Variants in PTBP1 observed in about 807,000 individuals in gnomAD.
PTBP1 encodes the protein polypyrimidine tract binding protein 1.
In PTBP1, 8 loss-of-function variants were observed where a neutral mutation model predicts 59.8. The observed-to-expected ratio is 0.13, with a 90% CI of 0.08 to 0.24. The LOEUF is 0.24. Among genes scored for constraint, PTBP1 ranks in the 10% least tolerant of loss-of-function variants. PTBP1 has a pLI of 1.00. For synonymous variants in PTBP1, 490 were observed against 320.7 expected (o/e 1.53, Z -5.64); for missense variants, 686 against 767.0 (o/e 0.89, Z 1.25).
Position 811,111 on chromosome 19 carries a change from G to C in PTBP1, c.*285G>C. On this transcript the variant is annotated 3_prime_UTR_variant, in exon 15 of 15. Coordinates refer to ENST00000356948, the MANE Select transcript of PTBP1 (RefSeq NM_002819.5). Reference sequence around the variant, plus strand: ...TGCCTTGGTGGGGCCTGTGTCGGGCGTGGGGCCTGCAGGTGGGCGCCCCGA... The same window carrying C: ...TGCCTTGGTGGGGCCTGTGTCGGGCCTGGGGCCTGCAGGTGGGCGCCCCGA... 2 of 317,028 alleles carry C rather than the reference G, an allele frequency of 6.3e-6. No homozygotes were observed. The highest frequency in any genetic ancestry group is 1.1e-4 in the East Asian group (2 of 18,272). 19.6% of individuals were successfully genotyped at this position (317,028 alleles called of 1,614,324 possible).
rs2034464409 is a variant in PTBP1 at position 804,315 on chromosome 19, G to A, written c.312G>A (p.Glu104=). The A allele has an allele frequency of 6.2e-7, 1 of 1,613,670 alleles. No individual in the cohort carries two copies. Among genetic ancestry groups the A allele is most frequent in the African/African-American group, 1.3e-5 (1 of 74,944 alleles). ...AGGCCTTCATCGAGATGAACACGGAGGAGGCTGCCAACACCATGGTGAACT... is the reference window on the plus strand; with the variant it reads ...AGGCCTTCATCGAGATGAACACGGAAGAGGCTGCCAACACCATGGTGAACT... ...KNQAFIEMNT[E]EAANTMVNYY... is the part of the protein sequence containing the mutation. Residue 104 remains glutamate (E), a synonymous_variant, in exon 5 of 15, where the codon GAG becomes GAA. Transcript: ENST00000356948.
chr19:804,163 C>T lies in PTBP1; in HGVS notation c.243C>T (p.Pro81=). The change falls in exon 4 of 15, where the codon CCC becomes CCT. Residue 81 remains proline (P), a synonymous_variant. Coordinates refer to ENST00000356948, the MANE Select transcript of PTBP1 (RefSeq NM_002819.5). ...TEGEVISLGL[P]FGKVTNLLML... ...GGGAAGTCATCTCCCTGGGGCTGCC[C>T]TTTGGGAAGGTCACCAACCTCCTGA... 6.2e-7 allele frequency: 1 copy of T among 1,611,642 alleles called. No individual in the cohort carries two copies. Among genetic ancestry groups the T allele is most frequent in the Non-Finnish European group, 8.5e-7 (1 of 1,178,408 alleles).
rs1271734000 is a variant in PTBP1, at chr19:808,301, C to CG, written c.1154-55dup. On this transcript the variant is annotated intron_variant, in intron 11 of 14. Transcript: ENST00000356948. The surrounding 1 kb of genome is among the most constrained non-coding windows in gnomAD (Gnocchi z 4.7). ...TGGGGGTGCGCGGGGCCGGGGCTGA[C>CG]GGGGAGATGGGCGGGGCAGGCAGCA... is the stretch of plus-strand genomic sequence containing the variant. 7.1e-7 allele frequency: 1 copy of CG among 1,404,618 alleles called. No homozygotes were observed. The highest frequency in any genetic ancestry group is 9.8e-7 in the Non-Finnish European group (1 of 1,015,260). The allele number at this position is 1,404,618 out of a possible 1,614,324, so 87.0% of individuals were successfully genotyped here.
rs189276279 is a variant in PTBP1, at chr19:798,759, G to A, written c.9-654G>A. Reference sequence around the variant, plus strand: ...GTTGGGTCAGGACCTGGCCGGGGCTGAAGGGAGGGCCTCGGACAGTCCGGC... The same window carrying A: ...GTTGGGTCAGGACCTGGCCGGGGCTAAAGGGAGGGCCTCGGACAGTCCGGC... On this transcript the variant is annotated intron_variant, in intron 1 of 14. Coordinates refer to ENST00000356948, the MANE Select transcript of PTBP1 (RefSeq NM_002819.5). Among the ~76,000 whole-genome samples the A allele has an allele frequency of 1.7e-3, 255 of 152,392 alleles. 2 individuals carry two copies. The highest frequency in any genetic ancestry group is 5.8e-3 in the African/African-American group (240 of 41,608).
rs373977560 is a variant in PTBP1, at chr19:806,526, T to C, written c.1089T>C (p.Ser363=). 6.0e-5 allele frequency: 93 copies of C among 1,554,410 alleles called. 1 individual carries two copies. The Middle Eastern group carries it at 8.6e-4, about 14-fold the overall frequency. ...CGGGCCTGGCGGGGGCAGGAAATTC[T>C]GTATTGCTGGTCAGCAACCTCAACC... ...AIPGLAGAGN[S]VLLVSNLNPE... The change falls in exon 10 of 15, where the codon TCT becomes TCC. Residue 363 remains serine (S), a synonymous_variant. Transcript: ENST00000356948.
rs2145028124 is a variant in PTBP1 at position 808,732 on chromosome 19, C to T, written c.1433C>T (p.Pro478Leu). 1.2e-6 allele frequency: 2 copies of T among 1,612,870 alleles called. No individual in the cohort carries two copies. Among genetic ancestry groups the T allele is most frequent in the Non-Finnish European group, 1.7e-6 (2 of 1,179,756 alleles). Residue 478 changes from proline to leucine, a missense_variant, in exon 13 of 15, where the codon CCC becomes CTC. Physicochemically the swap from Pro to Leu is moderately conservative, Grantham distance 98. Transcript: ENST00000356948. This position sits in a 1 kb window ranked among gnomAD's most constrained non-coding sequence, Gnocchi z 4.7. ...AAGAACTTCCAGAACATATTCCCGC[C>T]CTCGGCCACGCTGCACCTCTCCAAC... ...GSKNFQNIFPPSATLHLSNIP... is the reference protein window; with the variant it reads ...GSKNFQNIFPLSATLHLSNIP...
Position 805,566 on chromosome 19 carries a change from G to A in PTBP1, c.967G>A (p.Ala323Thr). 1.9e-6 allele frequency: 3 copies of A among 1,613,244 alleles called. No individual in the cohort carries two copies. The highest frequency in any genetic ancestry group is 2.5e-6 in the Non-Finnish European group (3 of 1,179,172). Residue 323 changes from alanine (A) to threonine (T), a missense_variant, in exon 9 of 15, where the codon GCA becomes ACA. Physicochemically the swap from Ala to Thr is moderately conservative, Grantham distance 58. Transcript: ENST00000356948. ...TCCCACCTTTGCCATTCCTCAAGCT[G>A]CAGGTATTCAAACGCTTGGTCTTGG... ...FPPTFAIPQAAGLSVPNVHGA... is the reference protein window; with the variant it reads ...FPPTFAIPQATGLSVPNVHGA...
chr19:803,497 C>T (rs904677663), intron 2 of PTBP1, 64 bp from the exon 3 acceptor site: 39 of 1,436,806 alleles, frequency 2.7e-5, no homozygotes, highest in Admixed American at 1.9e-4. Flanking sequence ...CAGGGCCGGC[C>T]GGTGGGGAAG....
At position 808,855 on chromosome 19, in the gene PTBP1, T is replaced by C. The variant is rs555179031; in HGVS notation, c.1463+93T>C. ...CGTCGGTGTGTGGACTTCTGGCGTT[T>C]CCAGAGTGCAGGTCGGGCACCTCTT... On this transcript the variant is annotated intron_variant, in intron 13 of 14. Coordinates refer to ENST00000356948, the MANE Select transcript of PTBP1 (RefSeq NM_002819.5). This position sits in a 1 kb window ranked among gnomAD's most constrained non-coding sequence, Gnocchi z 4.7. The C allele has an allele frequency of 7.9e-6, 10 of 1,258,354 alleles. No individual in the cohort carries two copies. The highest frequency in any genetic ancestry group is 3.0e-5 in the African/African-American group (2 of 66,980). 77.9% of individuals were successfully genotyped at this position (1,258,354 alleles called of 1,614,324 possible). A position where few individuals can be genotyped will look rare whatever the true frequency, so the allele number is the denominator to read the frequency against.
At chr19:800,542 C>T (rs2034286941) in intron 2 of PTBP1, among the ~76,000 whole-genome samples, 1 of 152,166 alleles carries the variant, frequency 6.6e-6, no homozygotes. Flanking sequence ...CGAGAGCCTC[C>T]CGCAGGGCGA....
intron 1 of PTBP1, 95 bp downstream of exon 1, chr19:797,600 C>G: frequency 2.2e-6 from 2 of 890,612 alleles, no homozygotes; most frequent in Middle Eastern, 4.1e-4. Flanking sequence ...ATCTCGCCCC[C>G]TCTCGGGCGG....
Position 805,510 on chromosome 19 carries a change from C to T in PTBP1, c.911C>T (p.Ser304Leu), listed in dbSNP as rs765586353. 1 of 1,613,730 alleles carries T rather than the reference C, an allele frequency of 6.2e-7. No individual in the cohort carries two copies. The highest frequency in any genetic ancestry group is 8.5e-7 in the Non-Finnish European group (1 of 1,179,618). The change falls in exon 9 of 15, where the codon TCA becomes TTA. Residue 304 changes from serine to leucine, a missense_variant. By Grantham distance (145) the Ser-to-Leu change is moderately radical. Transcript: ENST00000356948. Reference protein sequence around the residue: ...AAAFGAPGIISASPYAGAGFP... With the variant: ...AAAFGAPGIILASPYAGAGFP... ...TTTCTAGGTGCACCTGGTATAATCTCAGCCTCTCCGTATGCAGGAGCTGGT... is the reference window on the plus strand; with the variant it reads ...TTTCTAGGTGCACCTGGTATAATCTTAGCCTCTCCGTATGCAGGAGCTGGT...
chr19:803,506 A>T, intron 2 of PTBP1, 55 bp from the exon 3 acceptor site: 2 of 1,501,740 alleles, frequency 1.3e-6, no homozygotes, highest in South Asian at 2.3e-5. Context: ...CCGGTGGGGA[A>T]GGGAGGCTCT....
Position 811,027 on chromosome 19 carries a change from G to A in PTBP1, c.*201G>A, listed in dbSNP as rs777851930. ...GTGACAGGGACAGCTCAGGCTCTTG[G>A]TGACTGTGGCAGCGGGAGTTCCCGG... On this transcript the variant is annotated 3_prime_UTR_variant, in exon 15 of 15. Transcript: ENST00000356948. The A allele has an allele frequency of 3.7e-6, 2 of 543,052 alleles. No homozygotes were observed. Among genetic ancestry groups the A allele is most frequent in the Non-Finnish European group, 6.0e-6 (2 of 333,284 alleles). The allele number at this position is 543,052 out of a possible 1,614,324, so 33.6% of individuals were successfully genotyped here. A position where few individuals can be genotyped will look rare whatever the true frequency, so the allele number is the denominator to read the frequency against.
intron 13 of PTBP1, among the ~76,000 whole-genome samples, chr19:809,880 G>A (rs933387342): frequency 2.0e-5 from 3 of 152,168 alleles, no homozygotes; most frequent in East Asian, 1.9e-4. Flanking sequence ...CAGGCTGGGC[G>A]GCAGAGTAAG....
chr19:805,323 G>A (rs908192843), intron 8 of PTBP1, 136 bp downstream of exon 8: 3 of 1,224,514 alleles, frequency 2.4e-6, no homozygotes, highest in Admixed American at 2.1e-5. Context: ...AGCACAGCAC[G>A]GTCCAGTGTC....
At chr19:800,839 G>C (rs1038502915) in intron 2 of PTBP1, among the ~76,000 whole-genome samples, 2 of 152,186 alleles carry the variant, frequency 1.3e-5, no homozygotes, top group Non-Finnish European at 2.9e-5. Flanking sequence ...GCTTCCATCG[G>C]GTGGTCCTTG....
intron 2 of PTBP1, among the ~76,000 whole-genome samples, chr19:803,299 T>TCCCAGCCCCACACTGGCTGAGTACCC (rs1303096184): frequency 6.6e-6 from 1 of 152,172 alleles, no homozygotes; most frequent in Admixed American, 6.5e-5. Flanking sequence ...GCTGAGAGCC[T>TCCCAGCCCCACACTGGCTGAGTACCC]CCCAGCCCCA....
At position 810,526 on chromosome 19, in the gene PTBP1, C is replaced by A; in HGVS notation, c.1464-17C>A. 6.2e-7 allele frequency: 1 copy of A among 1,611,690 alleles called. No homozygotes were observed. Among genetic ancestry groups the A allele is most frequent in the Non-Finnish European group, 8.5e-7 (1 of 1,179,096 alleles). ...ACCCCCACGCGGCCCCAGGCTCACGCCTTTCTCCTCCCACAGGCCCTCAGT... is the reference window on the plus strand; with the variant it reads ...ACCCCCACGCGGCCCCAGGCTCACGACTTTCTCCTCCCACAGGCCCTCAGT... On this transcript the variant is annotated splice_polypyrimidine_tract_variant and intron_variant, in intron 13 of 14. Coordinates refer to ENST00000356948, the MANE Select transcript of PTBP1 (RefSeq NM_002819.5).
Sources: allele counts gnomAD v4.1 joint callset (sites outside exome capture counted in the v4.1 genomes callset), GRCh38; gene constraint gnomAD v4.1.1; non-coding constraint Gnocchi (gnomAD v3.1); transcripts MANE v1.5; gene names NCBI Gene and HGNC (gene_info 2026-07-23, HGNC 2026-07-21).